The following ZNF611 variants were observed in gnomAD, a reference collection of about 807,000 sequenced individuals.
ZNF611 encodes zinc finger protein 611.
A neutral mutation model predicts 8.9 loss-of-function variants in ZNF611; 6 were observed. The ratio of observed to expected loss-of-function variants is 0.68; its 90% CI spans 0.37 to 1.34. ZNF611 has a LOEUF of 1.34. Among genes scored for constraint, ZNF611 ranks in the 40% most tolerant of loss-of-function variants. ZNF611 has a pLI of 0.02. For missense variants in ZNF611, 874 were observed against 841.3 expected, an observed-to-expected ratio of 1.04 and a Z score of -0.48; for synonymous variants, 262 against 279.7, an observed-to-expected ratio of 0.94 and a Z score of 0.63.
chr19:52,725,831 A>G (rs892013376), intron 3 of ZNF611, among the ~76,000 whole-genome samples: 2 of 152,068 alleles, frequency 1.3e-5, no homozygotes, highest in South Asian at 2.1e-4. Context: ...CCTGGGTGGG[A>G]CAGAGGCGGG....
chr19:52,734,467 T>A (rs1027775237), intron 1 of ZNF611, among the ~76,000 whole-genome samples: 4 of 148,616 alleles, frequency 2.7e-5, no homozygotes, highest in African/African-American at 4.9e-5. Context: ...GCAGGTTCAA[T>A]GAAAGCGGTG....
chr19:52,727,964 C>T (rs966389055), intron 3 of ZNF611, among the ~76,000 whole-genome samples: 1 of 141,122 alleles, frequency 7.1e-6, no homozygotes, highest in African/African-American at 2.7e-5. Flanking sequence ...GGCTGCAGTG[C>T]AGTGGTGCAA....
At chr19:52,732,562 A>G (rs113991589) in intron 1 of ZNF611, among the ~76,000 whole-genome samples, 3 of 129,286 alleles carry the variant, frequency 2.3e-5, no homozygotes, top group South Asian at 2.4e-4. Flanking sequence ...GTTATTCAGA[A>G]TAACTCACAG....
At chr19:52,729,476 G>C (rs1379198935) in intron 2 of ZNF611, among the ~76,000 whole-genome samples, 1 of 97,216 alleles carries the variant, frequency 1.0e-5, no homozygotes, top group African/African-American at 4.3e-5. Context: ...CTGGGTGACA[G>C]AGCGAGACTC....
rs1318893696 is a variant in ZNF611 at position 52,702,813 on chromosome 19, T to TTAAGG, written c.*2123_*2124insCCTTA. 1 of 152,162 alleles carries TTAAGG rather than the reference T, an allele frequency of 6.6e-6. No homozygotes were observed. The highest frequency in any genetic ancestry group is 1.5e-5 in the Non-Finnish European group (1 of 68,028). 9.4% of individuals were successfully genotyped at this position (152,162 alleles called of 1,614,324 possible). ...GAAAACTGAAAAACAGACTAACTGGTTAAAGTACATTTTGATGTTTAGTTA... is the reference window on the plus strand; with the variant it reads ...GAAAACTGAAAAACAGACTAACTGGTTAAGGTAAAGTACATTTTGATGTTTAGTTA... On this transcript the variant is annotated 3_prime_UTR_variant, in exon 6 of 6. Coordinates refer to ENST00000652185, the MANE Select transcript of ZNF611 (RefSeq NM_001161499.2).
Position 52,713,921 on chromosome 19 carries a change from G to T in ZNF611, c.190+94C>A, listed in dbSNP as rs2062297181. 19 of 1,580,056 alleles carry T rather than the reference G, an allele frequency of 1.2e-5. No homozygotes were observed. In the South Asian group the frequency reaches 2.2e-4, roughly 18 times the overall value. On this transcript the variant is annotated intron_variant, in intron 5 of 5. Coordinates refer to ENST00000652185, the MANE Select transcript of ZNF611 (RefSeq NM_001161499.2). ...ACAAAAAACAAAAAACAAAACCCAT[G>T]TATGGGGCAAAATCACAAAAGAGGA...
At chr19:52,731,998 G>GC (rs2062428719) in intron 1 of ZNF611, among the ~76,000 whole-genome samples, 1 of 145,948 alleles carries the variant, frequency 6.9e-6, no homozygotes, top group Non-Finnish European at 1.5e-5. Context: ...ATGGCCGGGC[G>GC]GGTGGCTCAC....
chr19:52,715,700 G>C, intron 4 of ZNF611, 132 bp downstream of exon 4: 1 of 1,411,296 alleles, frequency 7.1e-7, no homozygotes, highest in Non-Finnish European at 9.6e-7. Context: ...GAGGAACTGA[G>C]GGCAGGCATG....
intron 5 of ZNF611, among the ~76,000 whole-genome samples, chr19:52,712,503 G>GTGA (rs1217238517): frequency 1.4e-5 from 2 of 145,982 alleles, no homozygotes; most frequent in Admixed American, 1.4e-4. Flanking sequence ...GCCGGGCATG[G>GTGA]TGATGCACAT....
At chr19:52,726,529 TCCTG>T (rs1488874255) in intron 3 of ZNF611, among the ~76,000 whole-genome samples, 1 of 151,428 alleles carries the variant, frequency 6.6e-6, no homozygotes. Flanking sequence ...CACGCCATTC[TCCTG>T]CCTGAGAGTT....
chr19:52,725,098 G>A (rs1249086585), intron 3 of ZNF611, among the ~76,000 whole-genome samples: 1 of 152,132 alleles, frequency 6.6e-6, no homozygotes, highest in Non-Finnish European at 1.5e-5. Context: ...CGGGTTTGGA[G>A]TAAGAGGCCT....
Position 52,706,235 on chromosome 19 carries a change from G to A in ZNF611, c.820C>T (p.Leu274Phe). 3 of 1,614,092 alleles carry A rather than the reference G, an allele frequency of 1.9e-6. No homozygotes were observed. The highest frequency in any genetic ancestry group is 1.6e-4 in the Middle Eastern group (1 of 6,062). ...GTGTGACATCTATCATGGCATGCAA[G>A]GTATTGCTCGTGATTAAAGAGCTTG... is the stretch of plus-strand genomic sequence containing the variant. ...CGKLFNHEQY[L>F]ACHDRCHTVE... Residue 274 changes from leucine (L) to phenylalanine (F), a missense_variant, in exon 6 of 6, where the codon CTT becomes TTT. Transcript: ENST00000652185.
At chr19:52,727,917 T>TTG (rs1568609585) in intron 3 of ZNF611, among the ~76,000 whole-genome samples, 1 of 149,964 alleles carries the variant, frequency 6.7e-6, no homozygotes, top group African/African-American at 2.5e-5. Context: ...CTTTTTTTTT[T>TTG]TTTTTTTTTT....
chr19:52,721,431 C>T (rs549665993), intron 3 of ZNF611, among the ~76,000 whole-genome samples: 2 of 152,352 alleles, frequency 1.3e-5, no homozygotes, highest in African/African-American at 4.8e-5. Context: ...GCAATCCCGG[C>T]ACCTCGGGAG....
rs140547154 is a variant in ZNF611 at position 52,714,076 on chromosome 19, A to G, written c.129T>C (p.Pro43=). The change falls in exon 5 of 6, where the codon CCT becomes CCC. Residue 43 remains proline (P), a synonymous_variant. Transcript: ENST00000652185. The stretch of plus-strand genomic sequence containing the variant: ...CTTCCCTGTACAAAGCCCTCTGTGA[A>G]GGGTTCAGGCATTTCCACTCTGCCA... ...FSLAEWKCLN[P]SQRALYREVM... is the part of the protein sequence containing the mutation. 74 of 1,613,954 alleles carry G rather than the reference A, an allele frequency of 4.6e-5. No homozygotes were observed. In the African/African-American group the frequency reaches 9.2e-4, roughly 20 times the overall value.
chr19:52,705,111 T>C lies in ZNF611; in HGVS notation c.1944A>G (p.Lys648=). ...TGTCACAAATTGTACATTTGTAAGA[T>C]TTCTCTCCAGTATGAAGTCTACGAT... is the stretch of plus-strand genomic sequence containing the variant. ...IYHRRLHTGE[K]SYKCTICDKA... is the part of the protein sequence containing the mutation. Residue 648 remains lysine (K), a synonymous_variant, in exon 6 of 6, where the codon AAA becomes AAG. Coordinates refer to ENST00000652185, the MANE Select transcript of ZNF611 (RefSeq NM_001161499.2). The C allele has an allele frequency of 6.2e-7, 1 of 1,614,184 alleles. No individual in the cohort carries two copies. Among genetic ancestry groups the C allele is most frequent in the South Asian group, 1.1e-5 (1 of 91,086 alleles).
chr19:52,712,111 G>A (rs1600311406), intron 5 of ZNF611, among the ~76,000 whole-genome samples: 1 of 152,216 alleles, frequency 6.6e-6, no homozygotes, highest in Admixed American at 6.5e-5. Flanking sequence ...GGTGGCCTGA[G>A]GTGAAAGCAG....
In ZNF611 at chr19:52,706,284, T is replaced by C. The variant is rs768003224; in HGVS notation, c.771A>G (p.Lys257=). The change falls in exon 6 of 6, where the codon AAA becomes AAG. Residue 257 remains lysine, a synonymous_variant. Coordinates refer to ENST00000652185, the MANE Select transcript of ZNF611 (RefSeq NM_001161499.2). Reference sequence around the variant, plus strand: ...TGCCACATACATCACATTTATATTGTTTGTCTCCTAAATGGGGTATCTGGT... The same window carrying C: ...TGCCACATACATCACATTTATATTGCTTGTCTCCTAAATGGGGTATCTGGT... ...RKHQIPHLGD[K]QYKCDVCGKL... is the part of the protein sequence containing the mutation. 8.1e-6 allele frequency: 13 copies of C among 1,614,040 alleles called. No individual in the cohort carries two copies. The Admixed American group carries it at 1.8e-4, about 23-fold the overall frequency.
chr19:52,704,595 A>C lies in ZNF611; in HGVS notation c.*342T>G. The C allele has an allele frequency of 6.4e-7, 1 of 1,571,708 alleles. No homozygotes were observed. The highest frequency in any genetic ancestry group is 1.1e-5 in the South Asian group (1 of 89,590). On this transcript the variant is annotated 3_prime_UTR_variant, in exon 6 of 6. Coordinates refer to ENST00000652185, the MANE Select transcript of ZNF611 (RefSeq NM_001161499.2). ...GATCTCTGAAAAATTTGCCACATTTATTACACTTGTAAGATCTCTCTTCAT... is the reference window on the plus strand; with the variant it reads ...GATCTCTGAAAAATTTGCCACATTTCTTACACTTGTAAGATCTCTCTTCAT...
Sources: gnomAD v4.1 joint callset for allele counts (sites outside exome capture counted in the v4.1 genomes callset) on GRCh38, gnomAD v4.1.1 for gene constraint, MANE v1.5 for transcripts, NCBI Gene and HGNC (gene_info 2026-07-23, HGNC 2026-07-21) for gene names.